SCRN1: variants seen among roughly 807,000 people sequenced by gnomAD.
The protein encoded by SCRN1 is secernin-1.
SCRN1 carries 19 observed loss-of-function variants against 43.3 expected under a neutral mutation model. The observed-to-expected ratio is 0.44, with a 90% confidence interval of 0.31 to 0.64. The LOEUF is 0.64. Ranked by LOEUF, SCRN1 falls within the 30% of genes least tolerant of loss-of-function variation. SCRN1 has a pLI of 0.09. For synonymous variants in SCRN1, 183 were observed against 188.9 expected, an observed-to-expected ratio of 0.97 and a Z score of 0.26; for missense variants, 447 against 524.1, an observed-to-expected ratio of 0.85 and a Z score of 1.44.
At chr7:29,951,204 G>T (rs1003783064) in intron 3 of SCRN1, among the ~76,000 whole-genome samples, 3 of 152,210 alleles carry the variant, frequency 2.0e-5, no homozygotes, top group Non-Finnish European at 4.4e-5. Context: ...AGTACGCCTG[G>T]TCCAGCTGCA....
chr7:29,983,871 G>C (rs964831355), intron 1 of SCRN1, among the ~76,000 whole-genome samples: 2 of 152,150 alleles, frequency 1.3e-5, no homozygotes, highest in African/African-American at 4.8e-5. Context: ...AGTGTTGCCA[G>C]AATAACTGAC....
chr7:29,927,521 G>A (rs1787008305), intron 6 of SCRN1, among the ~76,000 whole-genome samples: 1 of 152,186 alleles, frequency 6.6e-6, no homozygotes, highest in African/African-American at 2.4e-5. Context: ...TGCTGGATCA[G>A]AGGGCTGCTC....
intron 1 of SCRN1, among the ~76,000 whole-genome samples, chr7:29,969,533 A>T (rs1788603579): frequency 6.6e-6 from 1 of 152,258 alleles, no homozygotes; most frequent in South Asian, 2.1e-4. Flanking sequence ...ATGGGTCTAC[A>T]GATCAATTGA....
chr7:29,936,459 A>AG, intron 6 of SCRN1, 97 bp downstream of exon 6: 1 of 1,128,158 alleles, frequency 8.9e-7, no homozygotes, highest in Non-Finnish European at 1.2e-6. Context: ...TTGCTATCCA[A>AG]GGGGAGGACA....
intron 3 of SCRN1, chr7:29,947,332 G>C (rs1038017609): frequency 3.2e-6 from 5 of 1,550,622 alleles, no homozygotes; most frequent in Non-Finnish European, 4.4e-6. Context: ...CACTGAGAAA[G>C]ATGGGTCACA....
At position 29,989,784 on chromosome 7, in the gene SCRN1, T is replaced by C. The variant is rs992344792; in HGVS notation, c.-144A>G. On this transcript the variant is annotated 5_prime_UTR_variant, in exon 1 of 8. Transcript: ENST00000242059. ...AGTGGCGGAGGCGGCCGCCGGGCGC[T>C]TCCCCCTACCCAGACTCCCGGCGCT... The C allele has an allele frequency of 4.1e-6, 4 of 986,908 alleles. No homozygotes were observed. Among genetic ancestry groups the C allele is most frequent in the Non-Finnish European group, 4.8e-6 (4 of 831,214 alleles). 61.1% of individuals were successfully genotyped at this position (986,908 alleles called of 1,614,324 possible).
chr7:29,977,499 T>G (rs1415411492), intron 1 of SCRN1, among the ~76,000 whole-genome samples: 1 of 152,212 alleles, frequency 6.6e-6, no homozygotes, highest in East Asian at 1.9e-4. Context: ...TAATTAAAAA[T>G]TGGGATGTAA....
At chr7:29,967,918 A>T (rs1027604126) in intron 2 of SCRN1, among the ~76,000 whole-genome samples, 6 of 152,234 alleles carry the variant, frequency 3.9e-5, no homozygotes, top group African/African-American at 1.4e-4. Flanking sequence ...GGGAATATGA[A>T]GAAATGGGCA....
chr7:29,930,212 T>C (rs1012244939), intron 6 of SCRN1, among the ~76,000 whole-genome samples: 3 of 152,188 alleles, frequency 2.0e-5, no homozygotes, highest in Non-Finnish European at 4.4e-5. Context: ...AATAATTACA[T>C]AAAATATTAA....
intron 1 of SCRN1, among the ~76,000 whole-genome samples, chr7:29,981,206 C>G (rs932367907): frequency 1.3e-5 from 2 of 151,806 alleles, no homozygotes; most frequent in East Asian, 3.9e-4. Flanking sequence ...TACACTAAAG[C>G]TTTACCTTAA....
chr7:29,933,870 C>T (rs1787239712), intron 6 of SCRN1, among the ~76,000 whole-genome samples: 1 of 152,198 alleles, frequency 6.6e-6, no homozygotes, highest in African/African-American at 2.4e-5. Flanking sequence ...TTAACATTAA[C>T]TGGGAGGGAT....
At chr7:29,946,009 C>T (rs2128091483) in intron 3 of SCRN1, among the ~76,000 whole-genome samples, 1 of 152,184 alleles carries the variant, frequency 6.6e-6, no homozygotes, top group Middle Eastern at 3.4e-3. Flanking sequence ...ACTGTGCTGC[C>T]AGGGAGAAGA....
Position 29,965,842 on chromosome 7 carries a change from G to A in SCRN1, c.159+3067C>T, listed in dbSNP as rs1706700418. On this transcript the variant is annotated intron_variant, in intron 2 of 7. Transcript: ENST00000242059. The surrounding 1 kb of genome is among the most constrained non-coding windows in gnomAD (Gnocchi z 4.2). ...CCTTAAAATAATTGTAACCATGAGA[G>A]TAAAGTAAGAGTTATGTAGCCTATC... Among the ~76,000 whole-genome samples the A allele has an allele frequency of 6.6e-6, 1 of 152,008 alleles. No homozygotes were observed. Among genetic ancestry groups the A allele is most frequent in the Non-Finnish European group, 1.5e-5 (1 of 68,018 alleles).
intron 6 of SCRN1, among the ~76,000 whole-genome samples, chr7:29,933,188 G>C (rs1435331060): frequency 6.6e-6 from 1 of 152,110 alleles, no homozygotes; most frequent in African/African-American, 2.4e-5. Context: ...CCTGTATCTT[G>C]AGTATTTATT....
At chr7:29,971,525 T>G (rs1332402623) in intron 1 of SCRN1, among the ~76,000 whole-genome samples, 1 of 150,892 alleles carries the variant, frequency 6.6e-6, no homozygotes, top group Non-Finnish European at 1.5e-5. Context: ...CCCAGCTACT[T>G]GGGAGGCTGA....
chr7:29,980,974 G>A (rs573337205), intron 1 of SCRN1, among the ~76,000 whole-genome samples: 1 of 152,278 alleles, frequency 6.6e-6, no homozygotes, highest in South Asian at 2.1e-4. Context: ...TGGGAGTTGA[G>A]AGTGCGAGTA....
intron 5 of SCRN1, among the ~76,000 whole-genome samples, chr7:29,937,270 G>GC (rs1282421052): frequency 6.6e-6 from 1 of 152,178 alleles, no homozygotes; most frequent in Admixed American, 6.5e-5. Context: ...AACAATGTGT[G>GC]CAATTCCTCA....
intron 2 of SCRN1, 127 bp downstream of exon 2, chr7:29,968,782 G>C: frequency 3.4e-6 from 4 of 1,160,548 alleles, no homozygotes; most frequent in Non-Finnish European, 5.0e-6. Flanking sequence ...ATGGAAACAG[G>C]AATCAGCAGA....
At position 29,922,898 on chromosome 7, in the gene SCRN1, T is replaced by C. The variant is rs1282138582; in HGVS notation, c.*1059A>G. 6.6e-6 allele frequency: 1 copy of C among 152,288 alleles called. No homozygotes were observed. The highest frequency in any genetic ancestry group is 1.5e-5 in the Non-Finnish European group (1 of 68,068). The allele number at this position is 152,288 out of a possible 1,614,324, so 9.4% of individuals were successfully genotyped here. On this transcript the variant is annotated 3_prime_UTR_variant, in exon 8 of 8. Coordinates refer to ENST00000242059, the MANE Select transcript of SCRN1 (RefSeq NM_014766.5). ...TGCTCTGGTGGTAAGTCAAATCCTT[T>C]AAGTGAACCCGACATTGGAAACAAA...
Sources: gnomAD v4.1 joint callset for allele counts (sites outside exome capture counted in the v4.1 genomes callset) on GRCh38, gnomAD v4.1.1 for gene constraint, Gnocchi (gnomAD v3.1) non-coding constraint, MANE v1.5 for transcripts, NCBI Gene and HGNC (gene_info 2026-07-23, HGNC 2026-07-21) for gene names.